The following PDE11A variants were observed in gnomAD, a reference collection of about 807,000 sequenced individuals.
PDE11A encodes the protein dual 3',5'-cyclic-AMP and -GMP phosphodiesterase 11A.
PDE11A carries 100 observed loss-of-function variants against 100.5 expected under a neutral mutation model. The observed-to-expected ratio is 1.00, with a 90% confidence interval of 0.85 to 1.18. The LOEUF is 1.18. Among genes scored for constraint, PDE11A ranks in the 50% most tolerant of loss-of-function variants. The pLI is 0.00. For synonymous variants in PDE11A, 381 were observed against 420.8 expected, an observed-to-expected ratio of 0.91 and a Z score of 1.16; for missense variants, 1,141 against 1,152.6, an observed-to-expected ratio of 0.99 and a Z score of 0.15.
intron 9 of PDE11A, among the ~76,000 whole-genome samples, chr2:177,778,420 C>G (rs992920609): frequency 5.3e-5 from 8 of 152,100 alleles, no homozygotes; most frequent in Admixed American, 4.6e-4. Flanking sequence ...CACTTAAGAG[C>G]GAGGAGGAAC....
intron 17 of PDE11A, among the ~76,000 whole-genome samples, chr2:177,672,592 T>G (rs1177231982): frequency 2.0e-5 from 3 of 152,168 alleles, no homozygotes. Context: ...CAATTATAAC[T>G]AAAAGCTAAC....
At chr2:178,019,394 T>A (rs2105831563) in intron 1 of PDE11A, among the ~76,000 whole-genome samples, 1 of 152,312 alleles carries the variant, frequency 6.6e-6, no homozygotes, top group East Asian at 1.9e-4. Flanking sequence ...CTTAAAACAA[T>A]CTGCCTACAA....
rs1466209809 is a variant in PDE11A, at chr2:177,788,545, G to C, written c.1738-19172C>G. ...GCAAGAAATAACTAAAATCAGAGCA[G>C]AACTGAAGGAAATAGAGACACAAAA... On this transcript the variant is annotated intron_variant, in intron 9 of 19. Coordinates refer to ENST00000286063, the MANE Select transcript of PDE11A (RefSeq NM_016953.4). 4.0e-5 allele frequency among the ~76,000 whole-genome samples: 6 copies of C among 151,374 alleles called. No homozygotes were observed. In the East Asian group the frequency reaches 1.2e-3, roughly 29 times the overall value.
intron 2 of PDE11A, among the ~76,000 whole-genome samples, chr2:177,991,601 C>T (rs527598719): frequency 3.3e-5 from 5 of 151,222 alleles, no homozygotes; most frequent in African/African-American, 1.2e-4. Flanking sequence ...CACCACTGCA[C>T]TCCAGCCTGG....
In PDE11A at chr2:177,831,923, A is replaced by G. The variant is rs114963093; in HGVS notation, c.1500+8328T>C. On this transcript the variant is annotated intron_variant, in intron 6 of 19. Coordinates refer to ENST00000286063, the MANE Select transcript of PDE11A (RefSeq NM_016953.4). ...CTTAAGGATTGGTGCGGCTTTAGCT[A>G]TATGTTTCAAGGATTGGTGGGTTGC... Among the ~76,000 whole-genome samples the G allele has an allele frequency of 4.7e-3, 714 of 152,304 alleles. 6 individuals are homozygous for G. Among genetic ancestry groups the G allele is most frequent in the Non-Finnish European group, 6.0e-3 (411 of 68,036 alleles).
chr2:177,885,452 C>A (rs1416939348), intron 4 of PDE11A, among the ~76,000 whole-genome samples: 1 of 152,036 alleles, frequency 6.6e-6, no homozygotes, highest in Non-Finnish European at 1.5e-5. Context: ...GAACCAATAC[C>A]CAACAGATAC....
chr2:177,870,830 T>C (rs1394493756), intron 5 of PDE11A, among the ~76,000 whole-genome samples: 2 of 152,226 alleles, frequency 1.3e-5, no homozygotes, highest in Admixed American at 1.3e-4. Context: ...TTGTTTCTGT[T>C]GTTTTTAACT....
intron 16 of PDE11A, among the ~76,000 whole-genome samples, chr2:177,676,769 T>C (rs774282419): frequency 3.9e-5 from 6 of 152,252 alleles, no homozygotes; most frequent in South Asian, 2.1e-4. Flanking sequence ...GTGTGTCTGC[T>C]TCTGTACTAA....
chr2:177,635,864 T>C (rs2080031022), intron 19 of PDE11A, among the ~76,000 whole-genome samples: 1 of 151,712 alleles, frequency 6.6e-6, no homozygotes, highest in Non-Finnish European at 1.5e-5. Context: ...GATTTCCTCA[T>C]TTTTTATGGC....
intron 5 of PDE11A, among the ~76,000 whole-genome samples, chr2:177,865,134 C>T (rs2084005988): frequency 6.6e-6 from 1 of 152,036 alleles, no homozygotes; most frequent in Non-Finnish European, 1.5e-5. Flanking sequence ...CAAAAATTAG[C>T]CAGGCTTGGT....
chr2:177,961,592 C>T (rs2085633821), intron 2 of PDE11A, among the ~76,000 whole-genome samples: 1 of 152,184 alleles, frequency 6.6e-6, no homozygotes, highest in South Asian at 2.1e-4. Flanking sequence ...ATTTTTAGAT[C>T]ATGACCATAA....
At chr2:177,808,527 C>A (rs2082905652) in intron 9 of PDE11A, among the ~76,000 whole-genome samples, 1 of 152,198 alleles carries the variant, frequency 6.6e-6, no homozygotes, top group Non-Finnish European at 1.5e-5. Flanking sequence ...GAGCTGCTCA[C>A]TGTTCATCTC....
chr2:177,812,572 T>A (rs1368938726), intron 9 of PDE11A, among the ~76,000 whole-genome samples: 2 of 152,118 alleles, frequency 1.3e-5, no homozygotes, highest in African/African-American at 4.8e-5. Flanking sequence ...TATTTCAACT[T>A]GTTCAAGCAG....
At chr2:177,913,608 T>A (rs1321777437) in intron 2 of PDE11A, among the ~76,000 whole-genome samples, 2 of 152,168 alleles carry the variant, frequency 1.3e-5, no homozygotes, top group African/African-American at 2.4e-5. Context: ...ACACAATATC[T>A]AGTTTTAGGG....
intron 5 of PDE11A, among the ~76,000 whole-genome samples, chr2:177,861,471 TA>T (rs1415517054): frequency 8.6e-5 from 13 of 151,956 alleles, no homozygotes; most frequent in African/African-American, 2.9e-4. Flanking sequence ...AGTTGGAATA[TA>T]ATCTTGTTAA....
intron 6 of PDE11A, among the ~76,000 whole-genome samples, chr2:177,824,807 A>G (rs528312030): frequency 6.6e-6 from 1 of 152,288 alleles, no homozygotes; most frequent in South Asian, 2.1e-4. Flanking sequence ...AAGAATAGTT[A>G]CTCATATGGA....
chr2:178,041,670 A>G (rs1034894731), intron 1 of PDE11A, among the ~76,000 whole-genome samples: 2 of 152,212 alleles, frequency 1.3e-5, no homozygotes, highest in Admixed American at 6.5e-5. Context: ...GTAGAAGCTA[A>G]TATTTATTTT....
At chr2:177,967,992 G>T (rs764943252) in intron 2 of PDE11A, among the ~76,000 whole-genome samples, 1 of 152,146 alleles carries the variant, frequency 6.6e-6, no homozygotes, top group Non-Finnish European at 1.5e-5. Flanking sequence ...TCAGCCATTT[G>T]CCCAAAGTCA....
intron 6 of PDE11A, among the ~76,000 whole-genome samples, chr2:177,834,847 G>A (rs1310561724): frequency 6.7e-6 from 1 of 149,894 alleles, no homozygotes; most frequent in African/African-American, 2.4e-5. Context: ...CTATGCAAGA[G>A]TTTTTTTTTT....
Sources: gnomAD v4.1 joint callset for allele counts (sites outside exome capture counted in the v4.1 genomes callset) on GRCh38, gnomAD v4.1.1 for gene constraint, MANE v1.5 for transcripts, NCBI Gene and HGNC (gene_info 2026-07-23, HGNC 2026-07-21) for gene names.